PLPPR5: variants seen among roughly 807,000 people sequenced by gnomAD.
The protein encoded by PLPPR5 is phospholipid phosphatase related 5, also known as phospholipid phosphatase-related protein type 5.
PLPPR5 carries 16 observed loss-of-function variants against 33.9 expected under a neutral mutation model. That is an observed-to-expected ratio of 0.47 (90% CI 0.32 to 0.72). The LOEUF (loss-of-function observed/expected upper bound fraction) is 0.72. PLPPR5 is among the 30% of genes least tolerant of loss of function. PLPPR5 has a pLI of 0.03. For missense variants in PLPPR5, 301 were observed against 406.7 expected (o/e 0.74, Z 2.23); for synonymous variants, 163 against 150.3 (o/e 1.08, Z -0.62).
chr1:98,958,523 GAT>G (rs1394502726), intron 1 of PLPPR5, among the ~76,000 whole-genome samples: 1 of 152,058 alleles, frequency 6.6e-6, no homozygotes, highest in African/African-American at 2.4e-5. Context: ...AGTTGGGAGA[GAT>G]AAGAACTTCC....
intron 3 of PLPPR5, among the ~76,000 whole-genome samples, chr1:98,951,566 G>A (rs554799088): frequency 3.9e-5 from 6 of 152,196 alleles, no homozygotes; most frequent in African/African-American, 1.4e-4. Context: ...AGGCAGTGAG[G>A]GATAGAATTA....
At chr1:98,921,758 T>G in intron 4 of PLPPR5, 124 bp downstream of exon 4, 2 of 750,594 alleles carry the variant, frequency 2.7e-6, no homozygotes, top group South Asian at 4.2e-5. Context: ...TTTATATACT[T>G]AAATGAATGA....
At chr1:98,929,463 T>C (rs541535011) in intron 3 of PLPPR5, among the ~76,000 whole-genome samples, 1 of 152,308 alleles carries the variant, frequency 6.6e-6, no homozygotes, top group African/African-American at 2.4e-5. Context: ...TAACAAAAGA[T>C]TATGTCATTA....
chr1:98,916,131 G>T (rs980923907), intron 4 of PLPPR5, among the ~76,000 whole-genome samples: 23 of 152,186 alleles, frequency 1.5e-4, no homozygotes, highest in African/African-American at 5.5e-4. Context: ...AGGCCAATTA[G>T]ATCAATTAGA....
At chr1:98,997,112 C>T (rs1007590974) in intron 1 of PLPPR5, among the ~76,000 whole-genome samples, 1 of 152,122 alleles carries the variant, frequency 6.6e-6, no homozygotes, top group African/African-American at 2.4e-5. Flanking sequence ...ATGTCATTTG[C>T]TCTGCATTAT....
intron 4 of PLPPR5, 92 bp downstream of exon 4, chr1:98,921,790 A>T: frequency 9.6e-7 from 1 of 1,037,054 alleles, no homozygotes; most frequent in Non-Finnish European, 1.4e-6. Flanking sequence ...TACTACATTT[A>T]GACAAACCCA....
chr1:98,943,483 G>A (rs990709450), intron 3 of PLPPR5, among the ~76,000 whole-genome samples: 1 of 152,154 alleles, frequency 6.6e-6, no homozygotes, highest in Non-Finnish European at 1.5e-5. Context: ...TTAGAGTAGG[G>A]ACATATGAGC....
intron 3 of PLPPR5, among the ~76,000 whole-genome samples, chr1:98,951,788 T>C (rs1365032680): frequency 6.6e-6 from 1 of 152,150 alleles, no homozygotes; most frequent in Non-Finnish European, 1.5e-5. Context: ...TTGAAAACAT[T>C]TCCATTATCA....
intron 2 of PLPPR5, among the ~76,000 whole-genome samples, chr1:98,953,551 T>G (rs1359444278): frequency 1.3e-5 from 2 of 152,144 alleles, no homozygotes; most frequent in Non-Finnish European, 2.9e-5. Flanking sequence ...TACTACTGGT[T>G]TTTGGGCATG....
chr1:98,939,604 AT>A (rs1482110386), intron 3 of PLPPR5, among the ~76,000 whole-genome samples: 1 of 152,000 alleles, frequency 6.6e-6, no homozygotes, highest in Non-Finnish European at 1.5e-5. Flanking sequence ...CTGGCACGTG[AT>A]CCACACTCAA....
intron 3 of PLPPR5, among the ~76,000 whole-genome samples, chr1:98,935,555 A>C (rs1036554245): frequency 2.0e-5 from 3 of 152,220 alleles, no homozygotes; most frequent in African/African-American, 7.2e-5. Context: ...TAATGGGATA[A>C]GAAAAACCAA....
intron 1 of PLPPR5, among the ~76,000 whole-genome samples, chr1:98,995,557 T>C (rs191565921): frequency 3.9e-5 from 6 of 152,230 alleles, no homozygotes; most frequent in Admixed American, 3.9e-4. Flanking sequence ...AGGACTCTAG[T>C]AAGGCCTGCA....
intron 4 of PLPPR5, among the ~76,000 whole-genome samples, chr1:98,920,456 CAAAA>C (rs67392220): frequency 7.4e-5 from 7 of 94,108 alleles, no homozygotes; most frequent in African/African-American, 1.6e-4. Context: ...TGAGTCAATG[CAAAA>C]AAAAAAAAAA....
intron 1 of PLPPR5, among the ~76,000 whole-genome samples, chr1:98,973,057 G>T (rs868113756): frequency 3.9e-5 from 6 of 152,102 alleles, no homozygotes; most frequent in South Asian, 2.1e-4. Flanking sequence ...GAGACACCTG[G>T]ATCTTTGACC....
intron 3 of PLPPR5, among the ~76,000 whole-genome samples, chr1:98,936,409 A>C (rs1331237776): frequency 6.6e-6 from 1 of 152,184 alleles, no homozygotes; most frequent in African/African-American, 2.4e-5. Context: ...GCTAGAGACA[A>C]GGAGTCCTCC....
rs1460249432 is a variant in PLPPR5, at chr1:98,921,899, A to C, written c.781T>G (p.Ser261Ala). Residue 261 changes from serine (S) to alanine (A), a missense_variant, in exon 4 of 6, where the codon TCT (serine) becomes GCT (alanine). Physicochemically the swap from Ser to Ala is moderately conservative, Grantham distance 99. Coordinates refer to ENST00000263177, the MANE Select transcript of PLPPR5 (RefSeq NM_001037317.2). The part of the protein sequence containing the change: ...DVIAGFLVGI[S>A]IAVFLVVCVV... ...GTACTTACCAGAAATACTGCTATAG[A>C]TATTCCAACCAGAAAGCCTGCTATA... The C allele has an allele frequency of 6.2e-7, 1 of 1,613,232 alleles. No homozygotes were observed. Among genetic ancestry groups the C allele is most frequent in the Non-Finnish European group, 8.5e-7 (1 of 1,179,712 alleles).
intron 1 of PLPPR5, among the ~76,000 whole-genome samples, chr1:98,961,317 G>T (rs1570736331): frequency 6.6e-6 from 1 of 152,082 alleles, no homozygotes; most frequent in Admixed American, 6.5e-5. Context: ...TAAATATACA[G>T]AATTCAAAAA....
At chr1:98,925,602 A>G (rs1463545205) in intron 3 of PLPPR5, among the ~76,000 whole-genome samples, 1 of 152,208 alleles carries the variant, frequency 6.6e-6, no homozygotes, top group African/African-American at 2.4e-5. Flanking sequence ...GCATTGACTC[A>G]CTTGTTATAA....
rs1055096941 is a variant in PLPPR5 at position 99,004,280 on chromosome 1, G to A, written c.237+155C>T. 9.1e-5 allele frequency: 58 copies of A among 637,722 alleles called. 1 individual carries two copies. In the South Asian group the frequency reaches 1.2e-3, roughly 13 times the overall value. 39.5% of individuals were successfully genotyped at this position (637,722 alleles called of 1,614,324 possible). The stretch of plus-strand genomic sequence containing the variant: ...GCTTCCTTCGCACCCACCCTCACGC[G>A]CCCTAGAATGTCCTCTGGGGAAGGG... On this transcript the variant is annotated intron_variant, in intron 1 of 5. Coordinates refer to ENST00000263177, the MANE Select transcript of PLPPR5 (RefSeq NM_001037317.2).
Sources: allele counts gnomAD v4.1 joint callset (sites outside exome capture counted in the v4.1 genomes callset), GRCh38; gene constraint gnomAD v4.1.1; transcripts MANE v1.5; gene names NCBI Gene and HGNC (gene_info 2026-07-23, HGNC 2026-07-21).